Variants in PKD1L1 observed in about 807,000 individuals in gnomAD.
PKD1L1 encodes the protein polycystin 1 like 1, transient receptor potential channel interacting, also known as polycystin-1-like protein 1.
A neutral mutation model predicts 323.4 loss-of-function variants in PKD1L1; 236 were observed. That is an observed-to-expected ratio of 0.73 (90% confidence interval 0.66 to 0.81). PKD1L1 has a LOEUF of 0.81. PKD1L1 is among the 40% of genes least tolerant of loss of function. The pLI, the probability that PKD1L1 is intolerant of heterozygous loss-of-function variation, is 0.00. For missense variants in PKD1L1, 3,320 were observed against 3,508.0 expected (o/e 0.95, Z 1.35); for synonymous variants, 1,344 against 1,335.0 (o/e 1.01, Z -0.15).
intron 56 of PKD1L1, 101 bp from the exon 57 acceptor site, chr7:47,775,267 C>T: frequency 7.6e-7 from 1 of 1,321,106 alleles, no homozygotes. Context: ...CAGACCTGAA[C>T]ACCACCATCA....
At chr7:47,933,057 T>C (rs1187582271) in intron 4 of PKD1L1, among the ~76,000 whole-genome samples, 1 of 152,100 alleles carries the variant, frequency 6.6e-6, no homozygotes, top group Non-Finnish European at 1.5e-5. Context: ...GAGTAAACTA[T>C]TAGATGATGA....
chr7:47,912,541 C>T (rs1454783323), intron 8 of PKD1L1, among the ~76,000 whole-genome samples: 1 of 152,124 alleles, frequency 6.6e-6, no homozygotes, highest in African/African-American at 2.4e-5. Flanking sequence ...ACCGGCTGGG[C>T]ACGGTGGCTC....
chr7:47,787,249 T>G (rs1475631809), intron 56 of PKD1L1, among the ~76,000 whole-genome samples: 2 of 151,982 alleles, frequency 1.3e-5, no homozygotes, highest in African/African-American at 4.8e-5. Flanking sequence ...ACTTGAGTTC[T>G]GCAGGCAGAA....
Position 47,792,769 on chromosome 7 carries a change from A to G in PKD1L1, c.8384T>C (p.Leu2795Pro). 6.2e-7 allele frequency: 1 copy of G among 1,613,746 alleles called. No homozygotes were observed. The highest frequency in any genetic ancestry group is 1.7e-5 in the Admixed American group (1 of 59,930). The change falls in exon 56 of 57, where the codon CTG becomes CCG. Residue 2795 changes from leucine (L) to proline (P), a missense_variant. Transcript: ENST00000289672. ...HNYYLDEFAN[L>P]LDELLMKING... is the part of the protein sequence containing the mutation. Reference sequence around the variant, plus strand: ...AATCTTCATCAGAAGTTCGTCTAACAGATTTGCAAATTCATCCAAGTAGTA... The same window carrying G: ...AATCTTCATCAGAAGTTCGTCTAACGGATTTGCAAATTCATCCAAGTAGTA...
At chr7:47,798,627 C>A (rs375124787) in intron 54 of PKD1L1, among the ~76,000 whole-genome samples, 1 of 151,858 alleles carries the variant, frequency 6.6e-6, no homozygotes, top group Non-Finnish European at 1.5e-5. Context: ...TGGTGGCACA[C>A]GCCTGTAATC....
At chr7:47,829,379 T>C (rs745555655) in intron 44 of PKD1L1, 46 bp downstream of exon 44, 2 of 1,509,890 alleles carry the variant, frequency 1.3e-6, no homozygotes, top group Admixed American at 2.1e-5. Flanking sequence ...GAATATAAAG[T>C]AGTTTTTTAA....
chr7:47,907,115 G>A (rs538857698), intron 9 of PKD1L1, among the ~76,000 whole-genome samples: 1 of 152,256 alleles, frequency 6.6e-6, no homozygotes, highest in Non-Finnish European at 1.5e-5. Context: ...GTTAGGGTAG[G>A]CAAACAGGTT....
Position 47,829,462 on chromosome 7 carries a change from C to T in PKD1L1, c.6698G>A (p.Ser2233Asn), listed in dbSNP as rs1200407543. 8.7e-6 allele frequency: 14 copies of T among 1,613,908 alleles called. No individual in the cohort carries two copies. In the Admixed American group the frequency reaches 2.3e-4, roughly 27 times the overall value. Residue 2233 changes from serine (S) to asparagine (N), a missense_variant, in exon 44 of 57, where the codon AGC becomes AAC. Transcript: ENST00000289672. ...RSWTRLPFSS[S>N]CSIPDCAGEV... ...GCCTGCACAGTCAGGAATACTGCAG[C>T]TTGAAGAGAAGGGGAGGCGAGTCCA...
chr7:47,849,721 A>T (rs1404543825), intron 31 of PKD1L1, among the ~76,000 whole-genome samples: 1 of 152,238 alleles, frequency 6.6e-6, no homozygotes, highest in Non-Finnish European at 1.5e-5. Flanking sequence ...AAAAGGGAAT[A>T]CTTTTACACT....
At chr7:47,866,391 A>T in intron 25 of PKD1L1, 28 bp downstream of exon 25, 1 of 1,604,172 alleles carries the variant, frequency 6.2e-7, no homozygotes, top group East Asian at 2.2e-5. Flanking sequence ...GTTTACAGAC[A>T]CTAAACTCAC....
At position 47,794,389 on chromosome 7, in the gene PKD1L1, T is replaced by C. The variant is rs1033986666; in HGVS notation, c.8356-1592A>G. Reference sequence around the variant, plus strand: ...CTCCAGCCATGGCCGAAAGGGGCCATTGTACAACTTGGGCTGGGGCTTCAG... The same window carrying C: ...CTCCAGCCATGGCCGAAAGGGGCCACTGTACAACTTGGGCTGGGGCTTCAG... On this transcript the variant is annotated intron_variant, in intron 55 of 56. Transcript: ENST00000289672. 5.9e-5 allele frequency among the ~76,000 whole-genome samples: 9 copies of C among 152,310 alleles called. No homozygotes were observed. In the South Asian group the frequency reaches 1.9e-3, roughly 32 times the overall value.
intron 42 of PKD1L1, 122 bp downstream of exon 42, chr7:47,831,095 A>G (rs1785339948): frequency 7.8e-7 from 1 of 1,277,890 alleles, no homozygotes; most frequent in Admixed American, 2.3e-5. Context: ...TGAGGGAGAA[A>G]ATAGCAATAG....
At chr7:47,818,544 C>T (rs1485114618) in intron 46 of PKD1L1, among the ~76,000 whole-genome samples, 1 of 152,154 alleles carries the variant, frequency 6.6e-6, no homozygotes, top group Non-Finnish European at 1.5e-5. Context: ...TTAAAAAGCC[C>T]TGAAAATAAC....
chr7:47,850,514 C>A (rs58245969), intron 31 of PKD1L1, among the ~76,000 whole-genome samples: 1 of 151,190 alleles, frequency 6.6e-6, no homozygotes, highest in Non-Finnish European at 1.5e-5. Flanking sequence ...TGCCTGTAAT[C>A]TCAGCTACCC....
At chr7:47,870,977 A>AG (rs924187086) in intron 24 of PKD1L1, among the ~76,000 whole-genome samples, 1 of 131,568 alleles carries the variant, frequency 7.6e-6, no homozygotes, top group Non-Finnish European at 1.7e-5. Context: ...TGTCTCAAAA[A>AG]AAAAAAGAAA....
At chr7:47,902,542 A>C in intron 12 of PKD1L1, 31 bp from the exon 13 acceptor site, 2 of 1,606,310 alleles carry the variant, frequency 1.2e-6, no homozygotes, top group Non-Finnish European at 1.7e-6. Context: ...GAAATGAACA[A>C]ATTTATGTTG....
chr7:47,899,935 A>G (rs1330262943), intron 13 of PKD1L1, among the ~76,000 whole-genome samples: 2 of 123,762 alleles, frequency 1.6e-5, no homozygotes, highest in Non-Finnish European at 3.3e-5. Context: ...CCTCCTAGGC[A>G]ACAGAGCGAG....
At chr7:47,894,531 A>ATT (rs1181132389) in intron 14 of PKD1L1, among the ~76,000 whole-genome samples, 1 of 152,192 alleles carries the variant, frequency 6.6e-6, no homozygotes, top group Non-Finnish European at 1.5e-5. Flanking sequence ...ACATGTTATA[A>ATT]ATAAAACATT....
chr7:47,945,916 G>T (rs1253379403), intron 1 of PKD1L1, among the ~76,000 whole-genome samples: 2 of 152,204 alleles, frequency 1.3e-5, no homozygotes, highest in Non-Finnish European at 2.9e-5. Context: ...GTCTCAGAAG[G>T]TGAGAAACAC....
Sources: allele counts gnomAD v4.1 joint callset (sites outside exome capture counted in the v4.1 genomes callset), GRCh38; gene constraint gnomAD v4.1.1; transcripts MANE v1.5; gene names NCBI Gene and HGNC (gene_info 2026-07-23, HGNC 2026-07-21).